The following PLD3 variants were observed in gnomAD, a reference collection of about 807,000 sequenced individuals.
PLD3 encodes 5'-3' exonuclease PLD3.
Under a neutral mutation model 58.4 loss-of-function variants are expected in PLD3, and 31 were observed. The observed-to-expected ratio is 0.53, with a 90% CI of 0.40 to 0.72. PLD3 has a LOEUF of 0.72. Among genes scored for constraint, PLD3 ranks in the 30% least tolerant of loss-of-function variants. PLD3 has a pLI of 0.00. For synonymous variants in PLD3, 264 were observed against 273.4 expected (o/e 0.97, Z 0.34); for missense variants, 595 against 659.8 (o/e 0.90, Z 1.08).
chr19:40,376,471 G>C, intron 10 of PLD3, 138 bp from the exon 11 acceptor site: 1 of 760,094 alleles, frequency 1.3e-6, no homozygotes, highest in East Asian at 2.6e-5. Flanking sequence ...ACAGGAACAG[G>C]GTCTGGGAGC....
In PLD3 at chr19:40,371,675, C is replaced by T. The variant is rs759893170; in HGVS notation, c.681C>T (p.Val227=). ...ANMDWRSLTQ[V]KELGVVMYNC... is the part of the protein sequence containing the mutation. ...AGCTCAGCACTGCCCTCCTACAGGT[C>T]AAGGAGCTGGGCGTGGTCATGTACA... is the stretch of plus-strand genomic sequence containing the variant. The change falls in exon 9 of 13, where the codon GTC becomes GTT. Residue 227 remains valine, a splice_region_variant and synonymous_variant. Transcript: ENST00000409735. 2 of 1,611,706 alleles carry T rather than the reference C, an allele frequency of 1.2e-6. No individual in the cohort carries two copies. The highest frequency in any genetic ancestry group is 1.7e-6 in the Non-Finnish European group (2 of 1,178,354).
chr19:40,367,032 G>A, intron 5 of PLD3, 117 bp downstream of exon 5: 4 of 1,223,224 alleles, frequency 3.3e-6, no homozygotes, highest in African/African-American at 3.0e-5. Flanking sequence ...AAGTGAGGAG[G>A]TTGCAGGCTC....
At chr19:40,358,820 G>A (rs532096195) in intron 1 of PLD3, 23 of 152,236 alleles carry the variant, frequency 1.5e-4, no homozygotes, top group Non-Finnish European at 3.4e-4. Flanking sequence ...AATTTAAAGG[G>A]CTGCTGTAGA....
rs559473018 is a variant in PLD3 at position 40,378,122 on chromosome 19, T to C, written c.1422T>C (p.His474=). Residue 474 remains histidine, a synonymous_variant, in exon 13 of 13, where the codon CAT becomes CAC. Transcript: ENST00000409735. The stretch of plus-strand genomic sequence containing the variant: ...GGGACTGGGACTCCCCTTACAGCCA[T>C]GACCTTGACACCTCAGCTGACAGCG... ...FLRDWDSPYS[H]DLDTSADSVG... is the part of the protein sequence containing the mutation. The C allele has an allele frequency of 8.1e-6, 13 of 1,613,804 alleles. 1 individual carries two copies. In the Admixed American group the frequency reaches 1.8e-4, roughly 23 times the overall value.
Position 40,366,462 on chromosome 19 carries a change from T to C in PLD3, c.-22T>C. The stretch of plus-strand genomic sequence containing the variant: ...CCCACCTTCTCACCTGGGCTCTGCG[T>C]ATCCCCCAGCCTTGAGGGAAGATGA... On this transcript the variant is annotated 5_prime_UTR_variant, in exon 3 of 13. Transcript: ENST00000409735. 1.9e-6 allele frequency: 3 copies of C among 1,612,736 alleles called. No individual in the cohort carries two copies. The highest frequency in any genetic ancestry group is 2.5e-6 in the Non-Finnish European group (3 of 1,178,780).
chr19:40,370,543 C>T, intron 8 of PLD3: 1 of 248,288 alleles, frequency 4.0e-6, no homozygotes, highest in Middle Eastern at 1.5e-3. Context: ...TGTGGTGGCA[C>T]ACACCTCTGG....
chr19:40,363,451 G>A (rs191644977), intron 1 of PLD3, among the ~76,000 whole-genome samples: 11 of 148,502 alleles, frequency 7.4e-5, no homozygotes, highest in East Asian at 2.0e-4. Context: ...TGTTTGAGAC[G>A]GAGTCTCGCT....
rs138062457 is a variant in PLD3 at position 40,366,847 on chromosome 19, A to G, written c.177A>G (p.Leu59=). The G allele has an allele frequency of 1.6e-5, 26 of 1,613,912 alleles. 2 individuals carry two copies. In the South Asian group the frequency reaches 1.8e-4, roughly 11 times the overall value. ...GAGCCCTGATGACTCAGCTGTTTCT[A>G]TGGGAATACGGCGACTTGCATCTCT... The part of the protein sequence containing the change: ...GFGALMTQLF[L]WEYGDLHLFG... The change falls in exon 5 of 13, where the codon CTA becomes CTG. Residue 59 remains leucine (L), a synonymous_variant. Transcript: ENST00000409735.
intron 9 of PLD3, among the ~76,000 whole-genome samples, chr19:40,373,578 A>C (rs1436626690): frequency 6.9e-6 from 1 of 145,328 alleles, no homozygotes; most frequent in Non-Finnish European, 1.5e-5. Context: ...CTCCACTTCA[A>C]AAAAAAAAAA....
chr19:40,374,803 A>G, intron 10 of PLD3, 183 bp downstream of exon 10: 1 of 623,934 alleles, frequency 1.6e-6, no homozygotes, highest in Non-Finnish European at 2.8e-6. Context: ...GACAGGAGAA[A>G]GAGAGATTAC....
chr19:40,375,757 G>A (rs1456241502), intron 10 of PLD3, among the ~76,000 whole-genome samples: 3 of 152,014 alleles, frequency 2.0e-5, no homozygotes, highest in Admixed American at 6.6e-5. Flanking sequence ...GTATTCTAGG[G>A]GCAGTAGATA....
At chr19:40,369,260 G>A (rs142865308) in intron 6 of PLD3, among the ~76,000 whole-genome samples, 33 of 152,246 alleles carry the variant, frequency 2.2e-4, no homozygotes, top group African/African-American at 7.5e-4. Context: ...GGATGTGGTG[G>A]TGCACTCCTG....
At chr19:40,371,451 G>C in intron 8 of PLD3, 1 of 570,230 alleles carries the variant, frequency 1.8e-6, no homozygotes, top group Non-Finnish European at 3.1e-6. Flanking sequence ...GTGGAGGGTA[G>C]AAGCAACAGC....
chr19:40,363,341 G>A lies in PLD3; in HGVS notation c.-278-2377G>A, dbSNP rs567912021. Among the ~76,000 whole-genome samples the A allele has an allele frequency of 3.6e-3, 521 of 144,414 alleles. 2 individuals carry two copies. Among genetic ancestry groups the A allele is most frequent in the African/African-American group, 0.013 (506 of 37,676 alleles). The allele number at this position is 144,414 out of a possible 152,430, so 94.7% of individuals were successfully genotyped here. A position where few individuals can be genotyped will look rare whatever the true frequency, so the allele number is the denominator to read the frequency against. On this transcript the variant is annotated intron_variant, in intron 1 of 12. Coordinates refer to ENST00000409735, the MANE Select transcript of PLD3 (RefSeq NM_012268.4). ...GTTGTGGTCAACCGCCTCTAAGACT[G>A]ATGTTATCTTCTGCTTCTCCTAGTG...
At chr19:40,349,953 C>T (rs1388822037) in intron 1 of PLD3, among the ~76,000 whole-genome samples, 9 of 142,818 alleles carry the variant, frequency 6.3e-5, no homozygotes, top group African/African-American at 2.1e-4. Flanking sequence ...AGCGAGACTC[C>T]GTCTCAAAAA....
At chr19:40,374,445 G>T in intron 9 of PLD3, 36 bp from the exon 10 acceptor site, 5 of 1,610,974 alleles carry the variant, frequency 3.1e-6, no homozygotes, top group Non-Finnish European at 4.2e-6. Context: ...GATGACCCTG[G>T]CAGGGCACAT....
At chr19:40,364,836 T>C (rs2078877772) in intron 1 of PLD3, among the ~76,000 whole-genome samples, 1 of 148,810 alleles carries the variant, frequency 6.7e-6, no homozygotes, top group African/African-American at 2.5e-5. Flanking sequence ...TGGTGGCACG[T>C]GCCTGTAGTC....
At chr19:40,371,612 T>G in intron 8 of PLD3, 61 bp from the exon 9 acceptor site, 1 of 1,112,148 alleles carries the variant, frequency 9.0e-7, no homozygotes, top group African/African-American at 1.5e-5. Context: ...GACTGGGGAG[T>G]GTCCCTGTCA....
At chr19:40,351,023 A>G (rs2078499749) in intron 1 of PLD3, among the ~76,000 whole-genome samples, 1 of 151,904 alleles carries the variant, frequency 6.6e-6, no homozygotes, top group Admixed American at 6.6e-5. Context: ...GGATCGCTGG[A>G]GCTCAGGAGT....
Sources: allele counts gnomAD v4.1 joint callset (sites outside exome capture counted in the v4.1 genomes callset), GRCh38; gene constraint gnomAD v4.1.1; transcripts MANE v1.5; gene names NCBI Gene and HGNC (gene_info 2026-07-23, HGNC 2026-07-21).